FRMD6: variants seen among roughly 807,000 people sequenced by gnomAD.
FRMD6 encodes the protein FERM domain containing 6.
Under a neutral mutation model 73.2 loss-of-function variants are expected in FRMD6, and 37 were observed. That is an observed-to-expected ratio of 0.51 (90% CI 0.39 to 0.66). The LOEUF is 0.66. Among genes scored for constraint, FRMD6 ranks in the 30% least tolerant of loss-of-function variants. The probability of loss-of-function intolerance (pLI) is 0.00; values close to 1 mark genes in which losing one functional copy is unlikely to be tolerated. For missense variants in FRMD6, 714 were observed against 780.5 expected (o/e 0.91, Z 1.02); for synonymous variants, 273 against 282.2 (o/e 0.97, Z 0.33).
chr14:51,488,155 C>T (rs1882817288), upstream of FRMD6, among the ~76,000 whole-genome samples: 1 of 152,184 alleles, frequency 6.6e-6, no homozygotes, highest in Non-Finnish European at 1.5e-5. Context: ...ACCTCCCTTC[C>T]CAGCAAAAAT....
chr14:51,497,711 T>C (rs1883385958), intron 1 of FRMD6, among the ~76,000 whole-genome samples: 1 of 152,240 alleles, frequency 6.6e-6, no homozygotes, highest in Admixed American at 6.5e-5. Context: ...CCATACTACA[T>C]GTTTGAAACC....
rs531251951 is a variant in FRMD6, at chr14:51,689,585, T to C, written c.-146-106T>C. On this transcript the variant is annotated intron_variant, in intron 1 of 13. Transcript: ENST00000344768. Reference sequence around the variant, plus strand: ...AAGGTGGTGCTGGCTGGAGATATGCTGTCCCTGTGCCCACAATAGTAGTGG... The same window carrying C: ...AAGGTGGTGCTGGCTGGAGATATGCCGTCCCTGTGCCCACAATAGTAGTGG... The C allele has an allele frequency of 1.0e-4, 47 of 459,344 alleles. 1 individual carries two copies. The South Asian group carries it at 1.6e-3, about 15-fold the overall frequency. 28.5% of individuals were successfully genotyped at this position (459,344 alleles called of 1,614,324 possible). A position where few individuals can be genotyped will look rare whatever the true frequency, so the allele number is the denominator to read the frequency against.
At chr14:51,477,467 A>G in the FRMD6 span, among the ~76,000 whole-genome samples, 1 of 151,540 alleles carries the variant, frequency 6.6e-6, no homozygotes, top group Non-Finnish European at 1.5e-5. Context: ...GTGAATTGGC[A>G]TGAGGATACA....
intron 11 of FRMD6, among the ~76,000 whole-genome samples, chr14:51,721,748 G>GAAGGAGGGAAGGAGGGA (rs1566598467): frequency 5.3e-5 from 1 of 18,878 alleles, no homozygotes; most frequent in African/African-American, 1.8e-4. Context: ...GGAAGGAAGG[G>GAAGGAGGGAAGGAGGGA]AGGAAGGAAG....
intron 1 of FRMD6, among the ~76,000 whole-genome samples, chr14:51,513,797 A>G (rs190306567): frequency 1.5e-4 from 23 of 152,114 alleles, no homozygotes; most frequent in Admixed American, 1.2e-3. Flanking sequence ...TTGTCTCTTC[A>G]TGACTGAGCC....
chr14:51,509,528 A>AAAAACAAAAC lies in FRMD6; in HGVS notation c.-210+20138_-210+20147dup, dbSNP rs149803242. ...GGCGACAGTGCGAGACTCCGTCTCA[A>AAAAACAAAAC]AAAACAAAACAAAACAAAACAAAAC... On this transcript the variant is annotated intron_variant, in intron 1 of 14. Coordinates refer to the FRMD6 transcript ENST00000356218. Among the ~76,000 whole-genome samples the AAAAACAAAAC allele has an allele frequency of 3.5e-3, 522 of 150,356 alleles. 3 individuals carry two copies. The highest frequency in any genetic ancestry group is 9.7e-3 in the African/African-American group (397 of 40,824).
chr14:51,573,791 G>A (rs532636677), intron 2 of FRMD6, among the ~76,000 whole-genome samples: 11 of 152,268 alleles, frequency 7.2e-5, no homozygotes, highest in African/African-American at 2.6e-4. Context: ...TACTTACCAA[G>A]ACCATCATTT....
chr14:51,652,170 T>C (rs954044838), intron 1 of FRMD6, 174 bp downstream of exon 1: 1 of 152,254 alleles, frequency 6.6e-6, no homozygotes, highest in Non-Finnish European at 1.5e-5. Context: ...TCCGCCTCTT[T>C]CTTCGCCTTC....
At chr14:51,425,677 T>C in the FRMD6 span, among the ~76,000 whole-genome samples, 1 of 152,164 alleles carries the variant, frequency 6.6e-6, no homozygotes, top group East Asian at 1.9e-4. Flanking sequence ...ATGGCTGCAG[T>C]CTCCTCATCC....
At chr14:51,656,271 A>C (rs1472766133) in intron 1 of FRMD6, among the ~76,000 whole-genome samples, 1 of 152,242 alleles carries the variant, frequency 6.6e-6, no homozygotes, top group African/African-American at 2.4e-5. Flanking sequence ...GAAATCATTG[A>C]TCTCTCAGCT....
At chr14:51,581,624 TTATC>T (rs1315869783) in intron 2 of FRMD6, among the ~76,000 whole-genome samples, 1 of 152,232 alleles carries the variant, frequency 6.6e-6, no homozygotes, top group Non-Finnish European at 1.5e-5. Context: ...TTATATGTCT[TTATC>T]TATCCTTGGT....
chr14:51,519,175 CT>C (rs1884807400), intron 1 of FRMD6, among the ~76,000 whole-genome samples: 1 of 117,494 alleles, frequency 8.5e-6, no homozygotes, highest in African/African-American at 3.2e-5. Flanking sequence ...CCCCCGCCCC[CT>C]GCCACCCCAA....
chr14:51,703,028 G>T (rs890213319), intron 5 of FRMD6, among the ~76,000 whole-genome samples: 1 of 152,038 alleles, frequency 6.6e-6, no homozygotes. Context: ...AAAAGTGGAT[G>T]GGTGTTTATA....
At chr14:51,640,411 T>C (rs890603566) in intron 2 of FRMD6, among the ~76,000 whole-genome samples, 2 of 152,222 alleles carry the variant, frequency 1.3e-5, no homozygotes, top group African/African-American at 4.8e-5. Context: ...ATCAAAATCA[T>C]TTGGATCTTT....
rs562072906 is a variant in FRMD6, at chr14:51,664,602, C to T, written c.-147+12606C>T. On this transcript the variant is annotated intron_variant, in intron 1 of 13. Transcript: ENST00000344768. ...GGTAATACCAAAGTATAGTATTAGT[C>T]TTTAGAAAGTTGCTAATTTAGAAAA... is the stretch of plus-strand genomic sequence containing the variant. Among the ~76,000 whole-genome samples, 9 of 152,282 alleles carry T rather than the reference C, an allele frequency of 5.9e-5. No homozygotes were observed. The East Asian group carries it at 7.7e-4, about 13-fold the overall frequency.
the FRMD6 span, among the ~76,000 whole-genome samples, chr14:51,412,580 G>A: frequency 3.3e-5 from 5 of 152,088 alleles, no homozygotes; most frequent in East Asian, 9.7e-4. Flanking sequence ...GGCCGGGCGC[G>A]GTGGCTCACG....
chr14:51,590,706 T>A (rs1051750202), intron 2 of FRMD6, among the ~76,000 whole-genome samples: 2 of 152,212 alleles, frequency 1.3e-5, no homozygotes, highest in African/African-American at 2.4e-5. Context: ...CTCACTTTTT[T>A]AAAATCCTGG....
chr14:51,548,362 C>A (rs532791831), intron 1 of FRMD6, among the ~76,000 whole-genome samples: 1 of 152,178 alleles, frequency 6.6e-6, no homozygotes, highest in East Asian at 1.9e-4. Context: ...TATTCTTAAT[C>A]GCCCACAAGC....
intron 1 of FRMD6, among the ~76,000 whole-genome samples, chr14:51,522,667 C>T (rs12587395): frequency 0.17 from 26,512 of 152,106 alleles, 2,971 homozygotes; most frequent in East Asian, 0.25. Flanking sequence ...ACAAGTGTCC[C>T]TTTTTGGGAA....
Sources: allele counts gnomAD v4.1 joint callset (sites outside exome capture counted in the v4.1 genomes callset), GRCh38; gene constraint gnomAD v4.1.1; transcripts MANE v1.5; gene names NCBI Gene and HGNC (gene_info 2026-07-23, HGNC 2026-07-21).